UBXN4: variants seen among roughly 807,000 people sequenced by gnomAD.
The protein encoded by UBXN4 is UBX domain-containing protein 4.
In UBXN4, 35 loss-of-function variants were observed where a neutral mutation model predicts 66.2. The observed-to-expected ratio is 0.53, with a 90% confidence interval of 0.40 to 0.70. The LOEUF (loss-of-function observed/expected upper bound fraction) is 0.70, where lower values mean the gene tolerates loss of function less well. Among genes scored for constraint, UBXN4 ranks in the 30% least tolerant of loss-of-function variants. The pLI is 0.00. For missense variants in UBXN4, 533 were observed against 599.8 expected (o/e 0.89, Z 1.16); for synonymous variants, 203 against 204.5 (o/e 0.99, Z 0.06).
At chr2:135,767,887 T>TC (rs1244936390) in intron 6 of UBXN4, among the ~76,000 whole-genome samples, 5 of 152,302 alleles carry the variant, frequency 3.3e-5, no homozygotes, top group East Asian at 1.9e-4. Flanking sequence ...TGCTTTTTTT[T>TC]CTCTCATGTG....
chr2:135,782,676 G>T, intron 12 of UBXN4, 73 bp from the exon 13 acceptor site: 1 of 1,560,826 alleles, frequency 6.4e-7, no homozygotes, highest in South Asian at 1.2e-5. Flanking sequence ...ACTGATGGAA[G>T]TTGGAAACAG....
intron 5 of UBXN4, among the ~76,000 whole-genome samples, chr2:135,760,845 G>A (rs1402618675): frequency 6.6e-6 from 1 of 152,146 alleles, no homozygotes; most frequent in African/African-American, 2.4e-5. Flanking sequence ...AATTTCCCAG[G>A]TGTAAATACT....
chr2:135,771,543 CA>C (rs1313135612), intron 8 of UBXN4, among the ~76,000 whole-genome samples: 1 of 152,078 alleles, frequency 6.6e-6, no homozygotes, highest in Non-Finnish European at 1.5e-5. Context: ...GGTCAGTCAA[CA>C]AGTATTTGTT....
Position 135,762,409 on chromosome 2 carries a change from T to C in UBXN4, c.602+498T>C, listed in dbSNP as rs185948981. Among the ~76,000 whole-genome samples, 10 of 152,364 alleles carry C rather than the reference T, an allele frequency of 6.6e-5. 1 individual carries two copies. Among genetic ancestry groups the C allele is most frequent in the Admixed American group, 5.9e-4 (9 of 15,310 alleles). On this transcript the variant is annotated intron_variant, in intron 6 of 12. Transcript: ENST00000272638. ...TGTCAAATCATAGTCTTTTATGCTGTGATTCCTACATGAGTTAATAATTAG... is the reference window on the plus strand; with the variant it reads ...TGTCAAATCATAGTCTTTTATGCTGCGATTCCTACATGAGTTAATAATTAG...
At chr2:135,754,068 A>G (rs555204037) in intron 3 of UBXN4, 91 bp from the exon 4 acceptor site, 4 of 900,410 alleles carry the variant, frequency 4.4e-6, no homozygotes, top group Non-Finnish European at 7.0e-6. Flanking sequence ...GAAAATCACA[A>G]AGATCATTTG....
At chr2:135,771,520 T>C (rs540438549) in intron 8 of UBXN4, among the ~76,000 whole-genome samples, 1 of 152,108 alleles carries the variant, frequency 6.6e-6, no homozygotes, top group Non-Finnish European at 1.5e-5. Context: ...TACCTTAATA[T>C]TTTTGTTCAT....
intron 1 of UBXN4, among the ~76,000 whole-genome samples, 177 bp downstream of exon 1, chr2:135,742,188 C>T (rs951608671): frequency 6.6e-5 from 10 of 152,336 alleles, no homozygotes; most frequent in African/African-American, 1.9e-4. Context: ...CCAGATCCCC[C>T]AGAGGGGCCA....
intron 5 of UBXN4, among the ~76,000 whole-genome samples, chr2:135,756,630 G>A (rs767522685): frequency 1.3e-5 from 2 of 152,112 alleles, no homozygotes; most frequent in African/African-American, 4.8e-5. Flanking sequence ...TTAGGTCTAC[G>A]ACAGAATAAT....
At chr2:135,774,369 A>G (rs1181289083) in intron 9 of UBXN4, among the ~76,000 whole-genome samples, 6 of 152,228 alleles carry the variant, frequency 3.9e-5, no homozygotes, top group South Asian at 2.1e-4. Flanking sequence ...TGGATCATCT[A>G]CCAAAAAGTA....
intron 12 of UBXN4, among the ~76,000 whole-genome samples, chr2:135,781,312 G>A: frequency 6.6e-6 from 1 of 152,192 alleles, no homozygotes; most frequent in East Asian, 1.9e-4. Context: ...TCCTATCTTT[G>A]TTAAGATTTT....
At chr2:135,765,756 G>A (rs2077342997) in intron 6 of UBXN4, among the ~76,000 whole-genome samples, 1 of 151,998 alleles carries the variant, frequency 6.6e-6, no homozygotes, top group South Asian at 2.1e-4. Flanking sequence ...GGGTCTGTGG[G>A]CTTTGAGCAG....
At chr2:135,749,847 A>G (rs2077231528) in intron 2 of UBXN4, among the ~76,000 whole-genome samples, 1 of 151,860 alleles carries the variant, frequency 6.6e-6, no homozygotes, top group Admixed American at 6.6e-5. Context: ...TTCTCCTCCA[A>G]CTCCCCTGCT....
chr2:135,750,719 T>G (rs1239727218), intron 2 of UBXN4, among the ~76,000 whole-genome samples: 2 of 151,898 alleles, frequency 1.3e-5, no homozygotes, highest in East Asian at 3.9e-4. Flanking sequence ...TTCATCACCT[T>G]CCTGAAGCAC....
intron 2 of UBXN4, among the ~76,000 whole-genome samples, chr2:135,751,539 G>A (rs1263732933): frequency 6.6e-6 from 1 of 150,454 alleles, no homozygotes; most frequent in Middle Eastern, 3.4e-3. Context: ...TATAGTGATG[G>A]TTCATGTTTG....
At chr2:135,748,517 C>T in intron 2 of UBXN4, 148 bp downstream of exon 2, 4 of 476,536 alleles carry the variant, frequency 8.4e-6, no homozygotes, top group Non-Finnish European at 1.4e-5. Flanking sequence ...ATCGCTTGAG[C>T]CCAGGAGTTA....
intron 8 of UBXN4, among the ~76,000 whole-genome samples, chr2:135,771,327 A>G (rs1206168071): frequency 6.6e-6 from 1 of 152,034 alleles, no homozygotes; most frequent in Non-Finnish European, 1.5e-5. Flanking sequence ...AAATACAAAA[A>G]TTAATCGGGT....
rs183394850 is a variant in UBXN4, at chr2:135,783,911, A to G, written c.*1024A>G. On this transcript the variant is annotated 3_prime_UTR_variant, in exon 13 of 13. Coordinates refer to ENST00000272638, the MANE Select transcript of UBXN4 (RefSeq NM_014607.4). Reference sequence around the variant, plus strand: ...GACCGCTAAACTAATGATGTTTGAAAACAGTTCCTCTGTTTTAGATTGGAA... The same window carrying G: ...GACCGCTAAACTAATGATGTTTGAAGACAGTTCCTCTGTTTTAGATTGGAA... 4.6e-5 allele frequency: 7 copies of G among 152,300 alleles called. No individual in the cohort carries two copies. Among genetic ancestry groups the G allele is most frequent in the Admixed American group, 3.9e-4 (6 of 15,302 alleles). The allele number at this position is 152,300 out of a possible 1,614,324, so 9.4% of individuals were successfully genotyped here. A position where few individuals can be genotyped will look rare whatever the true frequency, so the allele number is the denominator to read the frequency against.
At chr2:135,769,536 A>C (rs1401336300) in intron 6 of UBXN4, among the ~76,000 whole-genome samples, 3 of 152,074 alleles carry the variant, frequency 2.0e-5, no homozygotes, top group Non-Finnish European at 4.4e-5. Flanking sequence ...AAAAAGGGAA[A>C]CTAATCATAA....
At chr2:135,747,450 A>G (rs1217673724) in intron 1 of UBXN4, among the ~76,000 whole-genome samples, 2 of 151,892 alleles carry the variant, frequency 1.3e-5, no homozygotes, top group African/African-American at 4.8e-5. Context: ...TTCTATCACC[A>G]TAGATTAGTT....
Sources: allele counts gnomAD v4.1 joint callset (sites outside exome capture counted in the v4.1 genomes callset), GRCh38; gene constraint gnomAD v4.1.1; transcripts MANE v1.5; gene names NCBI Gene and HGNC (gene_info 2026-07-23, HGNC 2026-07-21).